The following CD2AP variants were observed in gnomAD, a reference collection of about 807,000 sequenced individuals.
CD2AP encodes CD2 associated protein, also known as CD2-associated protein.
CD2AP carries 46 observed loss-of-function variants against 85.1 expected under a neutral mutation model. That is an observed-to-expected ratio of 0.54 (90% CI 0.43 to 0.69). The LOEUF is 0.69. CD2AP is among the 30% of genes least tolerant of loss of function. The pLI is 0.00. For missense variants in CD2AP, 769 were observed against 729.5 expected (o/e 1.05, Z -0.62); for synonymous variants, 255 against 252.9 (o/e 1.01, Z -0.08).
intron 5 of CD2AP, among the ~76,000 whole-genome samples, chr6:47,563,280 C>T (rs1193735645): frequency 6.6e-6 from 1 of 152,064 alleles, no homozygotes; most frequent in Admixed American, 6.5e-5. Flanking sequence ...AAATGACTTG[C>T]GTTACTTTAG....
At chr6:47,487,840 C>G (rs1319098568) in intron 1 of CD2AP, among the ~76,000 whole-genome samples, 1 of 152,054 alleles carries the variant, frequency 6.6e-6, no homozygotes, top group Admixed American at 6.5e-5. Context: ...TATTGACTAG[C>G]AGAAAATTAG....
chr6:47,616,478 C>G (rs1414347026), intron 17 of CD2AP, among the ~76,000 whole-genome samples: 1 of 152,158 alleles, frequency 6.6e-6, no homozygotes, highest in Non-Finnish European at 1.5e-5. Flanking sequence ...TTAGGCAAGT[C>G]ACTTAACCTC....
chr6:47,479,919 T>C (rs1445343107), intron 1 of CD2AP, among the ~76,000 whole-genome samples: 1 of 152,130 alleles, frequency 6.6e-6, no homozygotes, highest in Non-Finnish European at 1.5e-5. Context: ...GGAAATCATA[T>C]TCAGGTTTGT....
intron 1 of CD2AP, among the ~76,000 whole-genome samples, chr6:47,495,984 A>G (rs1765848278): frequency 6.6e-6 from 1 of 152,028 alleles, no homozygotes. Flanking sequence ...ATTTTTCTGT[A>G]TTTTTAATTT....
intron 12 of CD2AP, 32 bp from the exon 13 acceptor site, chr6:47,599,269 A>G (rs375713771): frequency 1.3e-6 from 2 of 1,595,224 alleles, no homozygotes; most frequent in South Asian, 2.2e-5. Context: ...GTTTCATACT[A>G]GTGATTTTTG....
chr6:47,577,656 C>G (rs1032434354), intron 8 of CD2AP, among the ~76,000 whole-genome samples: 1 of 152,128 alleles, frequency 6.6e-6, no homozygotes, highest in Non-Finnish European at 1.5e-5. Context: ...GGGCAGAATC[C>G]TATAATAACT....
chr6:47,581,000 A>G (rs1768463349), intron 10 of CD2AP, 100 bp downstream of exon 10: 6 of 829,044 alleles, frequency 7.2e-6, no homozygotes, highest in Non-Finnish European at 1.2e-5. Context: ...TTTATCAAGT[A>G]TGATGTCTGT....
Position 47,626,498 on chromosome 6 carries a change from C to G in CD2AP, c.*2271C>G, listed in dbSNP as rs1297398116. The G allele has an allele frequency of 6.6e-6, 1 of 152,264 alleles. No individual in the cohort carries two copies. The highest frequency in any genetic ancestry group is 6.6e-5 in the Admixed American group (1 of 15,252). The allele number at this position is 152,264 out of a possible 1,614,324, so 9.4% of individuals were successfully genotyped here. A position where few individuals can be genotyped will look rare whatever the true frequency, so the allele number is the denominator to read the frequency against. On this transcript the variant is annotated 3_prime_UTR_variant, in exon 18 of 18. Coordinates refer to ENST00000359314, the MANE Select transcript of CD2AP (RefSeq NM_012120.3). ...AGACAAAAGTTGAACAGCATGGAAT[C>G]TCATTGCCAAATTATTAGTGAATGT...
At chr6:47,599,195 A>T (rs924135208) in intron 12 of CD2AP, 106 bp from the exon 13 acceptor site, 1 of 890,870 alleles carries the variant, frequency 1.1e-6, no homozygotes, top group African/African-American at 1.7e-5. Context: ...ACAGAACAGA[A>T]AGTAATCGGT....
chr6:47,532,069 TTC>T (rs1366506861), intron 2 of CD2AP, among the ~76,000 whole-genome samples: 2 of 139,276 alleles, frequency 1.4e-5, no homozygotes, highest in Non-Finnish European at 3.2e-5. Flanking sequence ...GTGAGACTCC[TTC>T]TCAAAAAAAA....
intron 1 of CD2AP, among the ~76,000 whole-genome samples, chr6:47,479,608 ATT>A (rs892408846): frequency 4.6e-5 from 7 of 152,226 alleles, no homozygotes; most frequent in Non-Finnish European, 8.8e-5. Flanking sequence ...TTGTGGGCAT[ATT>A]CTTTTAAGTA....
intron 2 of CD2AP, among the ~76,000 whole-genome samples, chr6:47,525,004 T>C (rs1766686200): frequency 1.3e-5 from 2 of 152,138 alleles, no homozygotes; most frequent in Admixed American, 1.3e-4. Flanking sequence ...AATTTAATCA[T>C]AATAAAAAGG....
chr6:47,483,178 C>G (rs1003909098), intron 1 of CD2AP, among the ~76,000 whole-genome samples: 3 of 152,180 alleles, frequency 2.0e-5, no homozygotes, highest in Non-Finnish European at 4.4e-5. Flanking sequence ...TTAACACAAG[C>G]AGGATTTGGG....
intron 16 of CD2AP, among the ~76,000 whole-genome samples, chr6:47,610,973 T>TATATATATA (rs1454709863): frequency 2.3e-4 from 7 of 30,038 alleles, no homozygotes; most frequent in African/African-American, 7.9e-4. Flanking sequence ...ATATATGTAT[T>TATATATATA]TTTTTTTTTT....
chr6:47,586,543 C>T (rs906632279), intron 11 of CD2AP, among the ~76,000 whole-genome samples: 2 of 151,952 alleles, frequency 1.3e-5, no homozygotes, highest in African/African-American at 4.8e-5. Flanking sequence ...AGCTTAAAGC[C>T]AGGAAGAAAA....
At chr6:47,544,783 A>G (rs1012098202) in intron 4 of CD2AP, 77 bp downstream of exon 4, 2 of 883,066 alleles carry the variant, frequency 2.3e-6, no homozygotes, top group South Asian at 1.4e-5. Flanking sequence ...AATTGTAAGA[A>G]TATTAGTCTT....
rs1189649037 is a variant in CD2AP, at chr6:47,543,186, GA to G, written c.320-1412del. ...AAAAAAAAAAAAGAAAAAGAAAAAA[GA>G]AAAAAAAGAAAAAGAAAGCTATTTG... On this transcript the variant is annotated intron_variant, in intron 3 of 17. Transcript: ENST00000359314. 7.1e-3 allele frequency among the ~76,000 whole-genome samples: 527 copies of G among 74,344 alleles called. 5 individuals are homozygous for G. Among genetic ancestry groups the G allele is most frequent in the Middle Eastern group, 0.07 (6 of 86 alleles). 48.8% of individuals were successfully genotyped at this position (74,344 alleles called of 152,430 possible). A position where few individuals can be genotyped will look rare whatever the true frequency, so the allele number is the denominator to read the frequency against.
intron 2 of CD2AP, among the ~76,000 whole-genome samples, chr6:47,524,300 C>A (rs1179930639): frequency 6.6e-6 from 1 of 152,144 alleles, no homozygotes; most frequent in Non-Finnish European, 1.5e-5. Context: ...GCTCCTTGGA[C>A]CCAGCACGAC....
At chr6:47,505,628 C>CA (rs1766128781) in intron 2 of CD2AP, among the ~76,000 whole-genome samples, 1 of 111,016 alleles carries the variant, frequency 9.0e-6, no homozygotes, top group Non-Finnish European at 2.0e-5. Context: ...GGGGGCTGAC[C>CA]CCCCCCACCT....
Sources: allele counts gnomAD v4.1 joint callset (sites outside exome capture counted in the v4.1 genomes callset), GRCh38; gene constraint gnomAD v4.1.1; transcripts MANE v1.5; gene names NCBI Gene and HGNC (gene_info 2026-07-23, HGNC 2026-07-21).